TPRG1: variants seen among roughly 807,000 people sequenced by gnomAD.
TPRG1 encodes tumor protein p63-regulated gene 1 protein.
A neutral mutation model predicts 29.3 loss-of-function variants in TPRG1; 29 were observed. The ratio of observed to expected loss-of-function variants is 0.99; its 90% confidence interval spans 0.74 to 1.35. The LOEUF is 1.35. Ranked by LOEUF, TPRG1 falls within the 40% of genes most tolerant of loss-of-function variation. The pLI is 0.00. For synonymous variants in TPRG1, 130 were observed against 116.8 expected (o/e 1.11, Z -0.73); for missense variants, 327 against 335.0 (o/e 0.98, Z 0.19).
chr3:189,038,297 T>C (rs1312090148), intron 4 of TPRG1, among the ~76,000 whole-genome samples: 1 of 152,102 alleles, frequency 6.6e-6, no homozygotes, highest in East Asian at 1.9e-4. Context: ...TTTATGCCTA[T>C]TGGCCTAGCA....
At chr3:189,242,222 C>T (rs1404610082) in intron 4 of TPRG1, among the ~76,000 whole-genome samples, 2 of 152,036 alleles carry the variant, frequency 1.3e-5, no homozygotes, top group Middle Eastern at 3.2e-3. Context: ...TAATGTAGTA[C>T]TTTTCTCTGT....
At chr3:189,127,562 C>T (rs569302091) in intron 2 of TPRG1, among the ~76,000 whole-genome samples, 3 of 152,282 alleles carry the variant, frequency 2.0e-5, no homozygotes, top group African/African-American at 7.2e-5. Flanking sequence ...TTGACATGAA[C>T]ATGACACAAC....
intron 3 of TPRG1, chr3:189,219,919 A>C (rs755954285): frequency 6.5e-5 from 16 of 247,172 alleles, no homozygotes; most frequent in African/African-American, 3.2e-4. Flanking sequence ...CGGTGTAATT[A>C]ATATGTGAAA....
At chr3:189,141,476 G>A (rs1241530526) in intron 3 of TPRG1, among the ~76,000 whole-genome samples, 4 of 152,276 alleles carry the variant, frequency 2.6e-5, no homozygotes, top group Middle Eastern at 3.4e-3. Context: ...GAAGCCGGAA[G>A]ACAGGTTAAA....
intron 3 of TPRG1, chr3:189,218,101 C>T: frequency 4.5e-6 from 4 of 897,066 alleles, no homozygotes; most frequent in Non-Finnish European, 5.3e-6. Context: ...CTAGCCTCAC[C>T]AACCACACAA....
intron 4 of TPRG1, among the ~76,000 whole-genome samples, chr3:189,306,295 A>G (rs752062329): frequency 6.6e-6 from 1 of 152,214 alleles, no homozygotes; most frequent in Non-Finnish European, 1.5e-5. Flanking sequence ...AGAAAAGAGA[A>G]TTGAAGAGCT....
intron 1 of TPRG1, among the ~76,000 whole-genome samples, chr3:189,126,524 T>A (rs1722516277): frequency 6.6e-6 from 1 of 152,218 alleles, no homozygotes; most frequent in Non-Finnish European, 1.5e-5. Flanking sequence ...TTCCTTCATG[T>A]GTATGAGGCT....
chr3:189,191,755 C>T (rs2108743445), intron 1 of TPRG1, among the ~76,000 whole-genome samples: 1 of 152,172 alleles, frequency 6.6e-6, no homozygotes, highest in East Asian at 1.9e-4. Context: ...GGCTCTCCTT[C>T]CTGGTCTTGT....
chr3:189,174,798 G>A (rs1018374328), intron 1 of TPRG1, among the ~76,000 whole-genome samples: 9 of 152,176 alleles, frequency 5.9e-5, no homozygotes, highest in Non-Finnish European at 1.2e-4. Flanking sequence ...ATATTTAGAT[G>A]CCTATAAAAG....
chr3:189,173,333 TTTC>T (rs1273444887), intron 1 of TPRG1, among the ~76,000 whole-genome samples: 10 of 121,020 alleles, frequency 8.3e-5, no homozygotes, highest in South Asian at 6.1e-4. Context: ...TTTTCTTTCT[TTTC>T]TTCTTCTTTT....
rs576200638 is a variant in TPRG1 at position 189,227,171 on chromosome 3, A to C, written c.303-11562A>C. 1.6e-3 allele frequency among the ~76,000 whole-genome samples: 246 copies of C among 152,156 alleles called. 1 individual carries two copies. The highest frequency in any genetic ancestry group is 5.7e-3 in the African/African-American group (238 of 41,522). On this transcript the variant is annotated intron_variant, in intron 3 of 5. Transcript: ENST00000345063. ...TCACAAAAAAAAAAGAAAAAAAAGA[A>C]AAAAATTAGCCAAGCAGACAGTGGT...
intron 2 of TPRG1, among the ~76,000 whole-genome samples, chr3:189,209,219 G>C (rs73058901): frequency 0.01 from 1,573 of 152,240 alleles, 28 homozygotes; most frequent in African/African-American, 0.037. Flanking sequence ...GCAGGTACAG[G>C]GGCTACCCCT....
chr3:189,022,999 G>T (rs545628141), intron 3 of TPRG1, among the ~76,000 whole-genome samples: 1 of 152,122 alleles, frequency 6.6e-6, no homozygotes, highest in African/African-American at 2.4e-5. Flanking sequence ...TCCAGGTGCC[G>T]TCCGTCACCC....
At position 189,078,103 on chromosome 3, in the gene TPRG1, T is replaced by TTCTCTCTTTCTCTCTTTCTC. The variant is rs1249000690; in HGVS notation, c.-462-48951_-462-48950insCTCTTTCTCTCTTTCTCTCT. Among the ~76,000 whole-genome samples the TTCTCTCTTTCTCTCTTTCTC allele has an allele frequency of 4.5e-4, 55 of 121,174 alleles. 2 individuals are homozygous for TTCTCTCTTTCTCTCTTTCTC. The South Asian group carries it at 5.2e-3, about 11-fold the overall frequency. 79.5% of individuals were successfully genotyped at this position (121,174 alleles called of 152,430 possible). A position where few individuals can be genotyped will look rare whatever the true frequency, so the allele number is the denominator to read the frequency against. Reference sequence around the variant, plus strand: ...TTTCTCTCTTTCTCTCTTTCTTTCTTTCTTTCTTTCTTTCTTTCTTTCTTT... The same window carrying TTCTCTCTTTCTCTCTTTCTC: ...TTTCTCTCTTTCTCTCTTTCTTTCTTTCTCTCTTTCTCTCTTTCTCTCTTTCTTTCTTTCTTTCTTTCTTT... On this transcript the variant is annotated intron_variant, in intron 4 of 10. Transcript: ENST00000433971.
rs1002626645 is a variant in TPRG1 at position 189,061,211 on chromosome 3, A to G, written c.-463+37265A>G. Among the ~76,000 whole-genome samples the G allele has an allele frequency of 2.0e-5, 3 of 152,348 alleles. No homozygotes were observed. In the East Asian group the frequency reaches 5.8e-4, roughly 29 times the overall value. On this transcript the variant is annotated intron_variant, in intron 4 of 10. Coordinates refer to the TPRG1 transcript ENST00000433971. ...GCAATGAGGAAAAGACTCCTTGTTC[A>G]ATAAACGGTGTTTGGAGAACTGGAT...
chr3:189,303,489 A>G (rs1201266707), intron 4 of TPRG1, among the ~76,000 whole-genome samples: 4 of 152,202 alleles, frequency 2.6e-5, no homozygotes, highest in South Asian at 2.1e-4. Flanking sequence ...AAAAGTGCCC[A>G]GTCTAAACCA....
chr3:189,135,669 C>T (rs2108547312), intron 3 of TPRG1, among the ~76,000 whole-genome samples: 1 of 152,280 alleles, frequency 6.6e-6, no homozygotes, highest in East Asian at 1.9e-4. Context: ...TTTTACATTT[C>T]TAAAAAAGAA....
chr3:189,278,828 A>G (rs917706025), intron 4 of TPRG1, among the ~76,000 whole-genome samples: 8 of 152,148 alleles, frequency 5.3e-5, no homozygotes, highest in Non-Finnish European at 8.8e-5. Context: ...TTTCTCTTCC[A>G]TCACCCCCTT....
At chr3:189,275,413 T>C (rs375347389) in intron 4 of TPRG1, among the ~76,000 whole-genome samples, 9 of 152,046 alleles carry the variant, frequency 5.9e-5, no homozygotes, top group African/African-American at 1.9e-4. Context: ...TGGAGACGAA[T>C]TGACAATAAA....
Sources: gnomAD v4.1 joint callset for allele counts (sites outside exome capture counted in the v4.1 genomes callset) on GRCh38, gnomAD v4.1.1 for gene constraint, MANE v1.5 for transcripts, NCBI Gene and HGNC (gene_info 2026-07-23, HGNC 2026-07-21) for gene names.